Variants in FOCAD observed in about 807,000 individuals in gnomAD.
FOCAD encodes KIAA1797.
A neutral mutation model predicts 225.6 loss-of-function variants in FOCAD; 198 were observed. That is an observed-to-expected ratio of 0.88 (90% CI 0.78 to 0.99). The LOEUF is 0.99. Ranked by LOEUF, FOCAD falls within the 50% of genes least tolerant of loss-of-function variation. The pLI is 0.00. For synonymous variants in FOCAD, 897 were observed against 755.0 expected (o/e 1.19, Z -3.08); for missense variants, 2,713 against 2,123.6 (o/e 1.28, Z -5.46).
intron 1 of FOCAD, among the ~76,000 whole-genome samples, chr9:20,712,668 GA>G (rs900968665): frequency 3.5e-4 from 47 of 133,376 alleles, no homozygotes; most frequent in Non-Finnish European, 6.1e-4. Context: ...TCACAAAAAA[GA>G]AAAAAAAAGT....
chr9:20,939,667 A>C (rs924113279), intron 28 of FOCAD, among the ~76,000 whole-genome samples: 1 of 147,666 alleles, frequency 6.8e-6, no homozygotes, highest in African/African-American at 2.5e-5. Flanking sequence ...CTTCATTCTT[A>C]CCTTCTTTGT....
chr9:20,676,681 C>G (rs1196104154), intron 2 of FOCAD, among the ~76,000 whole-genome samples: 2 of 152,228 alleles, frequency 1.3e-5, no homozygotes, highest in East Asian at 3.9e-4. Context: ...GTTCCAATAG[C>G]ATTTTTGGAT....
At chr9:20,834,179 C>G (rs1246889480) in intron 15 of FOCAD, among the ~76,000 whole-genome samples, 3 of 152,036 alleles carry the variant, frequency 2.0e-5, no homozygotes, top group Non-Finnish European at 4.4e-5. Context: ...TGCCCTTATC[C>G]TCAGTAAACT....
At chr9:20,857,269 C>T (rs989573561) in intron 15 of FOCAD, among the ~76,000 whole-genome samples, 5 of 151,054 alleles carry the variant, frequency 3.3e-5, no homozygotes, top group Non-Finnish European at 7.4e-5. Flanking sequence ...CTTCATTTTC[C>T]TTCATCAATG....
intron 2 of FOCAD, among the ~76,000 whole-genome samples, chr9:20,675,112 C>G (rs543078742): frequency 9.2e-5 from 14 of 152,142 alleles, no homozygotes; most frequent in African/African-American, 1.2e-4. Flanking sequence ...ATCTAGTTCT[C>G]TAAGTCTCAT....
chr9:20,858,036 T>A (rs796608138), intron 15 of FOCAD, among the ~76,000 whole-genome samples: 9 of 120,404 alleles, frequency 7.5e-5, no homozygotes, highest in African/African-American at 2.8e-4. Flanking sequence ...GTCAGAGATA[T>A]TGGCCTGTAG....
intron 15 of FOCAD, among the ~76,000 whole-genome samples, chr9:20,840,591 TTAA>T (rs1826423124): frequency 6.8e-6 from 1 of 146,028 alleles, no homozygotes; most frequent in East Asian, 2.0e-4. Flanking sequence ...CACTGATTTT[TTAA>T]TGTTTTTTTT....
chr9:20,842,177 T>G (rs1466583724), intron 15 of FOCAD, among the ~76,000 whole-genome samples: 1 of 151,960 alleles, frequency 6.6e-6, no homozygotes, highest in Non-Finnish European at 1.5e-5. Flanking sequence ...CTTTGGTCTA[T>G]CCATGAAAAT....
In FOCAD at chr9:20,717,962, A is replaced by C. The variant is rs1236968959; in HGVS notation, c.132+94A>C. On this transcript the variant is annotated intron_variant, in intron 3 of 43. Transcript: ENST00000338382. ...CTGTCTTGTTTCCCTGATAGTTCAG[A>C]TCACAGTAGAAATGCTTTTGAACTG... is the stretch of plus-strand genomic sequence containing the variant. 4.3e-6 allele frequency: 4 copies of C among 932,774 alleles called. No individual in the cohort carries two copies. In the East Asian group the frequency reaches 7.5e-5, roughly 18 times the overall value. The allele number at this position is 932,774 out of a possible 1,614,324, so 57.8% of individuals were successfully genotyped here. A position where few individuals can be genotyped will look rare whatever the true frequency, so the allele number is the denominator to read the frequency against.
intron 21 of FOCAD, among the ~76,000 whole-genome samples, chr9:20,894,637 T>C (rs1207609317): frequency 1.3e-5 from 2 of 152,158 alleles, no homozygotes; most frequent in Admixed American, 1.3e-4. Flanking sequence ...ATTTTTTATC[T>C]GTGTGTCTAT....
intron 6 of FOCAD, among the ~76,000 whole-genome samples, chr9:20,758,951 C>G (rs1350177810): frequency 6.6e-6 from 1 of 152,104 alleles, no homozygotes; most frequent in Non-Finnish European, 1.5e-5. Context: ...ACAAAAATCA[C>G]AAGCATTCTT....
chr9:20,661,104 T>C (rs1821704787), intron 2 of FOCAD, among the ~76,000 whole-genome samples: 1 of 152,170 alleles, frequency 6.6e-6, no homozygotes. Context: ...AAGGAGGCTG[T>C]GGAGATGTTT....
intron 20 of FOCAD, among the ~76,000 whole-genome samples, chr9:20,883,614 T>C (rs1051741684): frequency 2.0e-5 from 3 of 152,288 alleles, no homozygotes; most frequent in East Asian, 3.9e-4. Context: ...ATATCTCCAG[T>C]TGGCTGAAAA....
chr9:20,848,967 A>G (rs1299994447), intron 15 of FOCAD, among the ~76,000 whole-genome samples: 1 of 151,928 alleles, frequency 6.6e-6, no homozygotes, highest in African/African-American at 2.4e-5. Context: ...TTCTGGTGAA[A>G]TGGACAATTA....
intron 18 of FOCAD, among the ~76,000 whole-genome samples, chr9:20,869,774 C>T (rs1158544398): frequency 6.6e-6 from 1 of 152,124 alleles, no homozygotes; most frequent in Non-Finnish European, 1.5e-5. Context: ...TAGGTCCGAT[C>T]TGAAGAGCTG....
At chr9:20,867,662 G>C (rs1829407590) in intron 18 of FOCAD, among the ~76,000 whole-genome samples, 1 of 151,998 alleles carries the variant, frequency 6.6e-6, no homozygotes, top group African/African-American at 2.4e-5. Context: ...CTATTAAGGG[G>C]TTAAATATCT....
intron 11 of FOCAD, among the ~76,000 whole-genome samples, chr9:20,791,034 A>T (rs1040590844): frequency 6.6e-6 from 1 of 152,114 alleles, no homozygotes; most frequent in East Asian, 1.9e-4. Context: ...TCCTGTAGTG[A>T]TCCTGCTTCT....
At position 20,778,865 on chromosome 9, in the gene FOCAD, G is replaced by A. The variant is rs1819067923; in HGVS notation, c.994+97G>A. ...TGTATCCTGCTATCTTGTGTATTTT[G>A]AGTTTCCATCTGTAATTTTTAAAAT... On this transcript the variant is annotated intron_variant, in intron 9 of 43. Transcript: ENST00000338382. 4 of 579,036 alleles carry A rather than the reference G, an allele frequency of 6.9e-6. No homozygotes were observed. The South Asian group carries it at 1.3e-4, about 20-fold the overall frequency. 35.9% of individuals were successfully genotyped at this position (579,036 alleles called of 1,614,324 possible).
chr9:20,728,091 T>C (rs1349058229), intron 4 of FOCAD, among the ~76,000 whole-genome samples: 1 of 152,184 alleles, frequency 6.6e-6, no homozygotes, highest in Non-Finnish European at 1.5e-5. Context: ...AAAAACAGTC[T>C]GCCTGAGTGT....
Sources: gnomAD v4.1 joint callset for allele counts (sites outside exome capture counted in the v4.1 genomes callset) on GRCh38, gnomAD v4.1.1 for gene constraint, MANE v1.5 for transcripts, NCBI Gene and HGNC (gene_info 2026-07-23, HGNC 2026-07-21) for gene names.